The following TFB2M variants were observed in gnomAD, a reference collection of about 807,000 sequenced individuals.
The protein encoded by TFB2M is dimethyladenosine transferase 2, mitochondrial.
TFB2M carries 44 observed loss-of-function variants against 41.3 expected under a neutral mutation model. The ratio of observed to expected loss-of-function variants is 1.07; its 90% CI spans 0.84 to 1.37. The LOEUF (loss-of-function observed/expected upper bound fraction) is 1.37, where lower values mean the gene tolerates loss of function less well. Among genes scored for constraint, TFB2M ranks in the 40% most tolerant of loss-of-function variants. The pLI is 0.00. For missense variants in TFB2M, 496 were observed against 490.2 expected (o/e 1.01, Z -0.11); for synonymous variants, 188 against 176.8 (o/e 1.06, Z -0.50).
chr1:246,553,429 G>A (rs1572088542), intron 4 of TFB2M, among the ~76,000 whole-genome samples: 1 of 152,190 alleles, frequency 6.6e-6, no homozygotes, highest in Admixed American at 6.5e-5. Flanking sequence ...CAGCACCTCA[G>A]GAGACTGAGG....
chr1:246,554,269 T>C (rs1396220565), intron 4 of TFB2M, among the ~76,000 whole-genome samples: 1 of 152,096 alleles, frequency 6.6e-6, no homozygotes, highest in East Asian at 1.9e-4. Flanking sequence ...TTGGCAATGA[T>C]CTATTAGCTA....
chr1:246,560,876 G>A (rs1659439806), intron 2 of TFB2M, among the ~76,000 whole-genome samples: 1 of 152,150 alleles, frequency 6.6e-6, no homozygotes, highest in Non-Finnish European at 1.5e-5. Flanking sequence ...GCACTTTGGA[G>A]GCTGAGGCGG....
At chr1:246,552,651 A>G (rs1659216533) in intron 4 of TFB2M, among the ~76,000 whole-genome samples, 1 of 151,872 alleles carries the variant, frequency 6.6e-6, no homozygotes, top group Admixed American at 6.6e-5. Context: ...GTGAGCTATG[A>G]ACATACCACG....
At chr1:246,565,793 A>G in intron 1 of TFB2M, 33 bp downstream of exon 1, 2 of 1,581,790 alleles carry the variant, frequency 1.3e-6, no homozygotes, top group Non-Finnish European at 8.7e-7. Flanking sequence ...TAAATGATGA[A>G]CATCCAAGAA....
At chr1:246,555,477 C>A (rs1007271795) in intron 4 of TFB2M, among the ~76,000 whole-genome samples, 1 of 151,966 alleles carries the variant, frequency 6.6e-6, no homozygotes, top group East Asian at 1.9e-4. Flanking sequence ...GGGGCTGAGG[C>A]GGGAAGATCG....
chr1:246,565,876 T>C lies in TFB2M; in HGVS notation c.263A>G (p.Tyr88Cys), dbSNP rs139718334. 1,005 of 1,609,746 alleles carry C rather than the reference T, an allele frequency of 6.2e-4. 1 individual carries two copies. Among genetic ancestry groups the C allele is most frequent in the Non-Finnish European group, 7.7e-4 (906 of 1,176,176 alleles). ...RRLAETLAQI[Y>C]LGKPSRPPHL... ...TGGAGGTCTACTTGGTTTTCCCAAA[T>C]AGATTTGCGCCAGGGTCTCAGCCAA... is the stretch of plus-strand genomic sequence containing the variant. The change falls in exon 1 of 8, where the codon TAT becomes TGT. Residue 88 changes from tyrosine (Y) to cysteine (C), a missense_variant. Tyr to Cys is a radical substitution (Grantham distance 194). Coordinates refer to ENST00000366514, the MANE Select transcript of TFB2M (RefSeq NM_022366.3).
Position 246,553,980 on chromosome 1 carries a change from G to C in TFB2M, c.705+2593C>G, listed in dbSNP as rs966153628. Among the ~76,000 whole-genome samples, 3 of 152,116 alleles carry C rather than the reference G, an allele frequency of 2.0e-5. No individual in the cohort carries two copies. The East Asian group carries it at 5.8e-4, about 29-fold the overall frequency. On this transcript the variant is annotated intron_variant, in intron 4 of 7. Transcript: ENST00000366514. ...AACAGTAGCAACACAGTGTTGTCTT[G>C]GCCTAAGGACAAATATTTAGATCAA...
Position 246,544,576 on chromosome 1 carries a change from G to GAA in TFB2M, c.962_963dup (p.His322PhefsTer4). On this transcript the variant is annotated frameshift_variant, in exon 7 of 8. Coordinates refer to ENST00000366514, the MANE Select transcript of TFB2M (RefSeq NM_022366.3). LOFTEE classifies it high-confidence loss of function. ...CTCCCAAAACAGTGCTTTAACAAGT[G>GAA]AAAAAATATATTATAGTTCATAGGT... 1.2e-6 allele frequency: 2 copies of GAA among 1,610,468 alleles called. No individual in the cohort carries two copies. Among genetic ancestry groups the GAA allele is most frequent in the East Asian group, 4.5e-5 (2 of 44,794 alleles).
At chr1:246,550,890 T>C (rs1659159713) in intron 5 of TFB2M, among the ~76,000 whole-genome samples, 1 of 151,484 alleles carries the variant, frequency 6.6e-6, no homozygotes, top group African/African-American at 2.4e-5. Context: ...TCTCAAAAAA[T>C]AAAAAAATAA....
At chr1:246,550,276 T>C (rs568017913) in intron 5 of TFB2M, among the ~76,000 whole-genome samples, 1 of 152,046 alleles carries the variant, frequency 6.6e-6, no homozygotes, top group East Asian at 1.9e-4. Context: ...ACTATAGTAC[T>C]GAGAGTACAA....
Position 246,544,421 on chromosome 1 carries a change from CCTCA to C in TFB2M, c.1019+96_1019+99del, listed in dbSNP as rs1658943163. On this transcript the variant is annotated intron_variant, in intron 7 of 7. Coordinates refer to ENST00000366514, the MANE Select transcript of TFB2M (RefSeq NM_022366.3). ...AAGAAATATGAGGGAAAACATGGTA[CCTCA>C]CTCTGTCAATCAAGATATAAAAATA... 2.8e-6 allele frequency: 3 copies of C among 1,075,108 alleles called. No homozygotes were observed. In the African/African-American group the frequency reaches 5.0e-5, roughly 18 times the overall value. The allele number at this position is 1,075,108 out of a possible 1,614,324, so 66.6% of individuals were successfully genotyped here.
chr1:246,542,985 A>ATT (rs11380318), intron 7 of TFB2M, among the ~76,000 whole-genome samples: 18,026 of 84,940 alleles, frequency 0.21, 3,259 homozygotes, highest in Middle Eastern at 0.32. Flanking sequence ...CTGCCTCCCA[A>ATT]TTTTTTTTTT....
chr1:246,544,634 A>C lies in TFB2M; in HGVS notation c.906T>G (p.Ile302Met). 1 of 1,607,116 alleles carries C rather than the reference A, an allele frequency of 6.2e-7. No homozygotes were observed. Among genetic ancestry groups the C allele is most frequent in the Non-Finnish European group, 8.5e-7 (1 of 1,178,402 alleles). Reference protein sequence around the residue: ...LQQKLYLIQMIPRQNLFTKNL... With the variant: ...LQQKLYLIQMMPRQNLFTKNL... ...TCTTGGTAAATAAATTTTGACGAGG[A>C]ATCATTTGAATAAGATACAGCTTTT... The change falls in exon 7 of 8, where the codon ATT becomes ATG. Residue 302 changes from isoleucine to methionine, a missense_variant. Physicochemically the swap from Ile to Met is conservative, Grantham distance 10. Transcript: ENST00000366514.
chr1:246,553,874 A>G (rs1360040326), intron 4 of TFB2M, among the ~76,000 whole-genome samples: 1 of 152,242 alleles, frequency 6.6e-6, no homozygotes, highest in Non-Finnish European at 1.5e-5. Flanking sequence ...TAGAATCTCG[A>G]GGAAACTCAA....
chr1:246,557,299 A>C, intron 3 of TFB2M, 82 bp downstream of exon 3: 1 of 1,463,866 alleles, frequency 6.8e-7, no homozygotes, highest in Non-Finnish European at 9.2e-7. Context: ...AATAAAACAC[A>C]AATTTCATCA....
At chr1:246,546,966 T>C (rs72762739) in intron 6 of TFB2M, among the ~76,000 whole-genome samples, 62,790 of 132,192 alleles carry the variant, frequency 0.47, 14,861 homozygotes, top group Non-Finnish European at 0.58. Context: ...TATGTATATA[T>C]ACACACACAC....
chr1:246,550,364 T>G (rs1659138978), intron 5 of TFB2M, among the ~76,000 whole-genome samples: 1 of 151,904 alleles, frequency 6.6e-6, no homozygotes, highest in African/African-American at 2.4e-5. Flanking sequence ...AGAAAAATGA[T>G]GAGAGCATGA....
rs758794283 is a variant in TFB2M at position 246,540,872 on chromosome 1, A to C, written c.*159T>G. ...TAAAATAGCAGACACTGTTTCATCC[A>C]ATAAGCCAATGATATCAGCTTAGGA... On this transcript the variant is annotated 3_prime_UTR_variant, in exon 8 of 8. Coordinates refer to ENST00000366514, the MANE Select transcript of TFB2M (RefSeq NM_022366.3). 5.5e-5 allele frequency: 30 copies of C among 550,260 alleles called. No individual in the cohort carries two copies. In the South Asian group the frequency reaches 9.1e-4, roughly 17 times the overall value. The allele number at this position is 550,260 out of a possible 1,614,324, so 34.1% of individuals were successfully genotyped here.
At chr1:246,543,470 C>G (rs2102982461) in intron 7 of TFB2M, among the ~76,000 whole-genome samples, 1 of 152,304 alleles carries the variant, frequency 6.6e-6, no homozygotes, top group South Asian at 2.1e-4. Flanking sequence ...TCCCTACATA[C>G]AAATTACATA....
Sources: allele counts gnomAD v4.1 joint callset (sites outside exome capture counted in the v4.1 genomes callset), GRCh38; gene constraint gnomAD v4.1.1; transcripts MANE v1.5; gene names NCBI Gene and HGNC (gene_info 2026-07-23, HGNC 2026-07-21).